The following ZNF354B variants were observed in gnomAD, a reference collection of about 807,000 sequenced individuals.
The protein encoded by ZNF354B is zinc finger protein 354B.
ZNF354B carries 10 observed loss-of-function variants against 12.9 expected under a neutral mutation model. The ratio of observed to expected loss-of-function variants is 0.77; its 90% confidence interval spans 0.48 to 1.31. The LOEUF (loss-of-function observed/expected upper bound fraction) is 1.31, where lower values mean the gene tolerates loss of function less well. ZNF354B is among the 40% of genes most tolerant of loss of function. The pLI is 0.00. For missense variants in ZNF354B, 614 were observed against 711.7 expected, an observed-to-expected ratio of 0.86 and a Z score of 1.56; for synonymous variants, 260 against 243.7, an observed-to-expected ratio of 1.07 and a Z score of -0.62.
intron 4 of ZNF354B, among the ~76,000 whole-genome samples, chr5:178,880,822 C>T (rs1246233504): frequency 1.4e-5 from 2 of 143,222 alleles, no homozygotes; most frequent in Admixed American, 7.1e-5. Context: ...TAGTTGTCAA[C>T]TCATGGTCAT....
chr5:178,872,818 G>C (rs1159824263), intron 4 of ZNF354B, among the ~76,000 whole-genome samples: 1 of 151,956 alleles, frequency 6.6e-6, no homozygotes, highest in Non-Finnish European at 1.5e-5. Context: ...ACAGAGTCTT[G>C]CTCTGTCACC....
chr5:178,860,593 A>C, intron 1 of ZNF354B: 1 of 185,264 alleles, frequency 5.4e-6, no homozygotes, highest in Non-Finnish European at 1.1e-5. Context: ...GGCGGAGGGA[A>C]GTCGTCCCGG....
At position 178,883,352 on chromosome 5, in the gene ZNF354B, T is replaced by G. The variant is rs760690413; in HGVS notation, c.900T>G (p.Cys300Trp). 1.9e-6 allele frequency: 3 copies of G among 1,613,832 alleles called. No individual in the cohort carries two copies. Among genetic ancestry groups the G allele is most frequent in the Non-Finnish European group, 2.5e-6 (3 of 1,179,964 alleles). Reference sequence around the variant, plus strand: ...ATACTGTGGAGAAATGCTATAGATGTAAAGAATGTGGTAAATCCTTCAGTC... The same window carrying G: ...ATACTGTGGAGAAATGCTATAGATGGAAAGAATGTGGTAAATCCTTCAGTC... The part of the protein sequence containing the change: ...RTHTVEKCYR[C>W]KECGKSFSRR... The change falls in exon 5 of 5, where the codon TGT becomes TGG. Residue 300 changes from cysteine (C) to tryptophan (W), a missense_variant. By Grantham distance (215) the Cys-to-Trp change is radical (BLOSUM62 -2). Coordinates refer to ENST00000322434, the MANE Select transcript of ZNF354B (RefSeq NM_058230.3).
At chr5:178,871,837 C>G (rs978073912) in intron 4 of ZNF354B, among the ~76,000 whole-genome samples, 3 of 152,184 alleles carry the variant, frequency 2.0e-5, no homozygotes, top group African/African-American at 7.2e-5. Context: ...GATACTACCA[C>G]TGGAAGGAGA....
intron 2 of ZNF354B, 55 bp from the exon 3 acceptor site, chr5:178,866,189 C>G: frequency 6.2e-7 from 1 of 1,601,890 alleles, no homozygotes; most frequent in Non-Finnish European, 8.5e-7. Context: ...CCACTGCCGC[C>G]CCCTCCACTC....
intron 4 of ZNF354B, among the ~76,000 whole-genome samples, chr5:178,870,380 G>A (rs577426230): frequency 1.2e-4 from 18 of 152,260 alleles, no homozygotes; most frequent in Non-Finnish European, 1.6e-4. Context: ...AGGTTTAAGC[G>A]ATTCTTGTGC....
intron 2 of ZNF354B, among the ~76,000 whole-genome samples, chr5:178,865,211 C>T (rs1023392190): frequency 6.6e-6 from 1 of 152,124 alleles, no homozygotes; most frequent in African/African-American, 2.4e-5. Flanking sequence ...GAGCCCAGGA[C>T]ATCTGCCTGG....
At chr5:178,882,472 G>C (rs1233018749) in intron 4 of ZNF354B, among the ~76,000 whole-genome samples, 3 of 152,050 alleles carry the variant, frequency 2.0e-5, no homozygotes, top group Non-Finnish European at 4.4e-5. Context: ...TGATCCTTCT[G>C]CTCCATTCTC....
At chr5:178,877,621 A>G (rs1270508272) in intron 4 of ZNF354B, among the ~76,000 whole-genome samples, 1 of 152,206 alleles carries the variant, frequency 6.6e-6, no homozygotes, top group East Asian at 1.9e-4. Context: ...CACCTCCGTG[A>G]TTCAAAGCAG....
At chr5:178,863,091 A>G (rs1238237594) in intron 2 of ZNF354B, among the ~76,000 whole-genome samples, 1 of 152,200 alleles carries the variant, frequency 6.6e-6, no homozygotes, top group Non-Finnish European at 1.5e-5. Flanking sequence ...TGCATTTTCT[A>G]GTCCGCCAGT....
intron 4 of ZNF354B, among the ~76,000 whole-genome samples, chr5:178,881,146 C>G (rs1757711137): frequency 6.6e-6 from 1 of 152,070 alleles, no homozygotes; most frequent in South Asian, 2.1e-4. Flanking sequence ...GCTTGGCCAA[C>G]TCAAGATCAT....
At chr5:178,873,422 A>G (rs1757590976) in intron 4 of ZNF354B, among the ~76,000 whole-genome samples, 1 of 152,180 alleles carries the variant, frequency 6.6e-6, no homozygotes. Flanking sequence ...CTGTAGTTTT[A>G]CATTTTACAT....
rs148284462 is a variant in ZNF354B, at chr5:178,882,734, A to C, written c.282A>C (p.Thr94=). ...SLGCKSTPKM[T]KSTQTQDSFQ... ...GATGTAAGAGCACACCTAAAATGACAAAGTCAACTCAAACTCAGGATTCAT... is the reference window on the plus strand; with the variant it reads ...GATGTAAGAGCACACCTAAAATGACCAAGTCAACTCAAACTCAGGATTCAT... The change falls in exon 5 of 5, where the codon ACA becomes ACC. Residue 94 remains threonine (T), a synonymous_variant. Coordinates refer to ENST00000322434, the MANE Select transcript of ZNF354B (RefSeq NM_058230.3). 1.9e-4 allele frequency: 295 copies of C among 1,569,670 alleles called. No individual in the cohort carries two copies. Among genetic ancestry groups the C allele is most frequent in the Non-Finnish European group, 2.4e-4 (275 of 1,168,052 alleles).
chr5:178,876,927 C>CTTT lies in ZNF354B; in HGVS notation c.257-5771_257-5769dup, dbSNP rs71589405. ...ACCATACTTTCCTATTTTTTTATGC[C>CTTT]TTTTTTTTTTTTTGTCTTACAGTGT... On this transcript the variant is annotated intron_variant, in intron 4 of 4. Coordinates refer to ENST00000322434, the MANE Select transcript of ZNF354B (RefSeq NM_058230.3). Among the ~76,000 whole-genome samples the CTTT allele has an allele frequency of 1.2e-3, 163 of 141,408 alleles. 1 individual carries two copies. Among genetic ancestry groups the CTTT allele is most frequent in the Middle Eastern group, 7.4e-3 (2 of 272 alleles). The allele number at this position is 141,408 out of a possible 152,430, so 92.8% of individuals were successfully genotyped here.
chr5:178,862,792 A>G (rs1033931190), intron 2 of ZNF354B, among the ~76,000 whole-genome samples: 1 of 152,196 alleles, frequency 6.6e-6, no homozygotes, highest in Non-Finnish European at 1.5e-5. Flanking sequence ...CACAGAGCCA[A>G]GCTGCTCTCC....
Position 178,884,368 on chromosome 5 carries a change from T to C in ZNF354B, c.*77T>C, listed in dbSNP as rs919550584. 4 of 1,418,654 alleles carry C rather than the reference T, an allele frequency of 2.8e-6. No homozygotes were observed. The African/African-American group carries it at 5.8e-5, about 20-fold the overall frequency. 87.9% of individuals were successfully genotyped at this position (1,418,654 alleles called of 1,614,324 possible). Reference sequence around the variant, plus strand: ...AAATATAATGAATATGAGAAAACTCTTAGTTCTCATCAGATACTAAGTTTT... The same window carrying C: ...AAATATAATGAATATGAGAAAACTCCTAGTTCTCATCAGATACTAAGTTTT... On this transcript the variant is annotated 3_prime_UTR_variant, in exon 5 of 5. Coordinates refer to ENST00000322434, the MANE Select transcript of ZNF354B (RefSeq NM_058230.3).
At position 178,884,500 on chromosome 5, in the gene ZNF354B, G is replaced by C; in HGVS notation, c.*209G>C. 4.3e-6 allele frequency: 2 copies of C among 465,456 alleles called. No homozygotes were observed. The highest frequency in any genetic ancestry group is 3.7e-6 in the Non-Finnish European group (1 of 273,492). 28.8% of individuals were successfully genotyped at this position (465,456 alleles called of 1,614,324 possible). A position where few individuals can be genotyped will look rare whatever the true frequency, so the allele number is the denominator to read the frequency against. ...TTCACTGTTGCAGACATTGAAATTG[G>C]CCATTTGTAAGATAAAAGGTATGTT... On this transcript the variant is annotated 3_prime_UTR_variant, in exon 5 of 5. Transcript: ENST00000322434.
rs1757761216 is a variant in ZNF354B, at chr5:178,883,993, G to T, written c.1541G>T (p.Arg514Ile). ...AACTCATCGCTTAGTAATCACCAGA[G>T]AATTCATACTGGAGAGAAACCATAT... ...RCNSSLSNHQRIHTGEKPYRC... is the reference protein window; with the variant it reads ...RCNSSLSNHQIIHTGEKPYRC... The change falls in exon 5 of 5, where the codon AGA becomes ATA. Residue 514 changes from arginine to isoleucine, a missense_variant. Coordinates refer to ENST00000322434, the MANE Select transcript of ZNF354B (RefSeq NM_058230.3). 1.2e-6 allele frequency: 2 copies of T among 1,613,974 alleles called. No individual in the cohort carries two copies. The highest frequency in any genetic ancestry group is 1.3e-5 in the African/African-American group (1 of 74,920).
chr5:178,879,679 C>T (rs1757690465), intron 4 of ZNF354B, among the ~76,000 whole-genome samples: 1 of 152,232 alleles, frequency 6.6e-6, no homozygotes. Context: ...GTGCCTGGCC[C>T]AGAAACCAGA....
Sources: gnomAD v4.1 joint callset for allele counts (sites outside exome capture counted in the v4.1 genomes callset) on GRCh38, gnomAD v4.1.1 for gene constraint, MANE v1.5 for transcripts, NCBI Gene and HGNC (gene_info 2026-07-23, HGNC 2026-07-21) for gene names.